The following TTC28 variants were observed in gnomAD, a reference collection of about 807,000 sequenced individuals.
The protein encoded by TTC28 is tetratricopeptide repeat protein 28.
TTC28 carries 61 observed loss-of-function variants against 198.0 expected under a neutral mutation model. The observed-to-expected ratio is 0.31, with a 90% CI of 0.25 to 0.38. The LOEUF is 0.38. Among genes scored for constraint, TTC28 ranks in the 10% least tolerant of loss-of-function variants. The pLI is 1.00. For synonymous variants in TTC28, 1,171 were observed against 1,297.8 expected, an observed-to-expected ratio of 0.90 and a Z score of 2.10; for missense variants, 2,678 against 3,164.0, an observed-to-expected ratio of 0.85 and a Z score of 3.69.
chr22:28,215,079 C>G (rs545888658), intron 5 of TTC28, among the ~76,000 whole-genome samples: 8 of 152,082 alleles, frequency 5.3e-5, no homozygotes, highest in African/African-American at 1.9e-4. Flanking sequence ...GGGAACTGAA[C>G]AATGAGAACA....
At chr22:28,328,698 G>A (rs780669776) in intron 2 of TTC28, among the ~76,000 whole-genome samples, 1 of 150,620 alleles carries the variant, frequency 6.6e-6, no homozygotes, top group Non-Finnish European at 1.5e-5. Context: ...AGGTTGCAGA[G>A]AGCCAAGATC....
intron 5 of TTC28, among the ~76,000 whole-genome samples, chr22:28,236,212 T>C (rs879456431): frequency 6.6e-6 from 1 of 152,218 alleles, no homozygotes; most frequent in African/African-American, 2.4e-5. Flanking sequence ...TTTGTCCACT[T>C]GCACCAGCTT....
chr22:28,569,898 G>C (rs2050034819), intron 2 of TTC28, among the ~76,000 whole-genome samples: 1 of 152,128 alleles, frequency 6.6e-6, no homozygotes, highest in Admixed American at 6.5e-5. Flanking sequence ...CAGAGGACAT[G>C]AACAGACACT....
chr22:28,575,488 T>C (rs751397544), intron 2 of TTC28, among the ~76,000 whole-genome samples: 4 of 152,178 alleles, frequency 2.6e-5, no homozygotes, highest in Non-Finnish European at 4.4e-5. Flanking sequence ...CTTTGGCTAT[T>C]CTGGGTCTTT....
At chr22:28,099,089 T>C in intron 9 of TTC28, 45 bp from the exon 10 acceptor site, 4 of 1,549,538 alleles carry the variant, frequency 2.6e-6, no homozygotes, top group Non-Finnish European at 3.5e-6. Context: ...CAGAAACCAA[T>C]GTCCAGCTGT....
chr22:28,092,302 TGGGACAGTAGG>T, intron 12 of TTC28, among the ~76,000 whole-genome samples: 1 of 152,326 alleles, frequency 6.6e-6, no homozygotes, highest in East Asian at 1.9e-4. Flanking sequence ...CCCTCAGTTC[TGGGACAGTAGG>T]GGCTATGTCT....
At chr22:28,162,449 TTC>T (rs1239728837) in intron 6 of TTC28, among the ~76,000 whole-genome samples, 2 of 152,216 alleles carry the variant, frequency 1.3e-5, no homozygotes, top group Non-Finnish European at 2.9e-5. Context: ...GCTTAGCAGC[TTC>T]TCTTTCATTT....
chr22:28,290,965 A>C (rs2044776882), intron 5 of TTC28, among the ~76,000 whole-genome samples: 1 of 152,112 alleles, frequency 6.6e-6, no homozygotes, highest in Non-Finnish European at 1.5e-5. Flanking sequence ...AGATACCTGA[A>C]GTGTATAGGA....
Position 28,654,016 on chromosome 22 carries a change from A to G in TTC28, c.103-24186T>C, listed in dbSNP as rs968311321. On this transcript the variant is annotated intron_variant, in intron 1 of 22. Transcript: ENST00000397906. ...TGTGTGCTGAACTTCCGTTCTTACA[A>G]CATTCCTTTTTTCACTTGGGAGAAA... is the stretch of plus-strand genomic sequence containing the variant. 3.9e-5 allele frequency among the ~76,000 whole-genome samples: 6 copies of G among 152,196 alleles called. No homozygotes were observed. The East Asian group carries it at 1.2e-3, about 29-fold the overall frequency.
intron 2 of TTC28, among the ~76,000 whole-genome samples, chr22:28,409,249 C>T (rs695580): frequency 0.01 from 1,542 of 152,164 alleles, 34 homozygotes; most frequent in East Asian, 0.083. Flanking sequence ...ATTAAAGAGC[C>T]GAGAGAAGTG....
intron 2 of TTC28, among the ~76,000 whole-genome samples, chr22:28,606,473 G>A (rs2050738255): frequency 6.6e-6 from 1 of 152,046 alleles, no homozygotes; most frequent in East Asian, 1.9e-4. Flanking sequence ...GTGTTTATGT[G>A]TATAAAGTTA....
At chr22:28,530,577 C>T (rs1235576180) in intron 2 of TTC28, among the ~76,000 whole-genome samples, 1 of 152,078 alleles carries the variant, frequency 6.6e-6, no homozygotes, top group African/African-American at 2.4e-5. Flanking sequence ...AGATACTCCT[C>T]CAGAAGAGCA....
chr22:28,366,873 C>T (rs1434891920), intron 2 of TTC28, among the ~76,000 whole-genome samples: 1 of 152,024 alleles, frequency 6.6e-6, no homozygotes, highest in Non-Finnish European at 1.5e-5. Flanking sequence ...GGGGTCATTT[C>T]ACCAAGAGGA....
At chr22:28,058,044 T>C (rs1390773899) in intron 12 of TTC28, among the ~76,000 whole-genome samples, 1 of 152,128 alleles carries the variant, frequency 6.6e-6, no homozygotes, top group African/African-American at 2.4e-5. Context: ...TCACCTTTTT[T>C]TCCCCCAGAT....
chr22:28,337,221 C>G (rs148092104), intron 2 of TTC28, among the ~76,000 whole-genome samples: 5,421 of 152,262 alleles, frequency 0.036, 187 homozygotes, highest in East Asian at 0.17. Flanking sequence ...GTTATAATTT[C>G]TGTTCTTTTA....
intron 2 of TTC28, among the ~76,000 whole-genome samples, chr22:28,573,596 TAC>T (rs2050096882): frequency 1.3e-5 from 2 of 152,140 alleles, no homozygotes; most frequent in Non-Finnish European, 2.9e-5. Flanking sequence ...TATTTACAGA[TAC>T]ATGAGATATT....
intron 5 of TTC28, among the ~76,000 whole-genome samples, chr22:28,292,144 T>C (rs2044800211): frequency 6.6e-6 from 1 of 152,138 alleles, no homozygotes; most frequent in Non-Finnish European, 1.5e-5. Flanking sequence ...TTATAATTAG[T>C]TATTTTCATG....
chr22:28,585,610 G>A (rs2050302925), intron 2 of TTC28, among the ~76,000 whole-genome samples: 3 of 152,064 alleles, frequency 2.0e-5, no homozygotes, highest in Non-Finnish European at 2.9e-5. Context: ...CAGGGGTTGG[G>A]GACCCCTGCT....
At chr22:28,169,516 T>C (rs1016219565) in intron 5 of TTC28, among the ~76,000 whole-genome samples, 3 of 152,148 alleles carry the variant, frequency 2.0e-5, no homozygotes, top group Non-Finnish European at 2.9e-5. Context: ...TCATGTCCTT[T>C]GTAGGGACAT....
Sources: gnomAD v4.1 joint callset for allele counts (sites outside exome capture counted in the v4.1 genomes callset) on GRCh38, gnomAD v4.1.1 for gene constraint, MANE v1.5 for transcripts, NCBI Gene and HGNC (gene_info 2026-07-23, HGNC 2026-07-21) for gene names.